The following DOCK10 variants were observed in gnomAD, a reference collection of about 807,000 sequenced individuals.
DOCK10 encodes the protein dedicator of cytokinesis protein 10.
A neutral mutation model predicts 280.1 loss-of-function variants in DOCK10; 145 were observed. The ratio of observed to expected loss-of-function variants is 0.52; its 90% CI spans 0.45 to 0.59. The LOEUF is 0.59. DOCK10 is among the 20% of genes least tolerant of loss of function. DOCK10 has a pLI of 0.00. For synonymous variants in DOCK10, 915 were observed against 942.2 expected (o/e 0.97, Z 0.53); for missense variants, 2,368 against 2,651.7 (o/e 0.89, Z 2.35).
chr2:224,866,606 T>C (rs1348495144), intron 11 of DOCK10, among the ~76,000 whole-genome samples: 2 of 152,222 alleles, frequency 1.3e-5, no homozygotes, highest in African/African-American at 2.4e-5. Flanking sequence ...ACTACCACCA[T>C]GATGGCGACC....
chr2:224,928,669 C>T (rs1702165320), intron 2 of DOCK10, among the ~76,000 whole-genome samples: 1 of 152,132 alleles, frequency 6.6e-6, no homozygotes, highest in African/African-American at 2.4e-5. Context: ...TTGCTTAATG[C>T]AAATTAAAAT....
At chr2:224,983,594 G>A (rs1239920986) in intron 1 of DOCK10, 1 of 330,388 alleles carries the variant, frequency 3.0e-6, no homozygotes. Context: ...TTGCTGTAAC[G>A]TGTGGCCGCC....
intron 1 of DOCK10, among the ~76,000 whole-genome samples, chr2:224,989,904 G>A (rs1706081942): frequency 6.6e-6 from 1 of 152,064 alleles, no homozygotes; most frequent in Non-Finnish European, 1.5e-5. Flanking sequence ...GTGATTTCTA[G>A]AGACCTTTTC....
In DOCK10 at chr2:224,931,679, A is replaced by G; in HGVS notation, c.124-11T>C. On this transcript the variant is annotated splice_polypyrimidine_tract_variant and intron_variant, in intron 1 of 55. Transcript: ENST00000258390. ...CCTAGGCTTTTCTTGCTGTAGAAAA[A>G]GAAAATATGGTATTAATCACTGACA... 1 of 1,584,068 alleles carries G rather than the reference A, an allele frequency of 6.3e-7. No individual in the cohort carries two copies. The highest frequency in any genetic ancestry group is 8.6e-7 in the Non-Finnish European group (1 of 1,164,402).
intron 50 of DOCK10, among the ~76,000 whole-genome samples, chr2:224,778,841 T>C (rs1233950965): frequency 2.6e-5 from 4 of 152,202 alleles, no homozygotes; most frequent in African/African-American, 9.6e-5. Flanking sequence ...TGCTCCCAAG[T>C]ACTGCTATTT....
chr2:224,791,067 G>A (rs1280389304), intron 47 of DOCK10, among the ~76,000 whole-genome samples: 1 of 151,980 alleles, frequency 6.6e-6, no homozygotes, highest in African/African-American at 2.4e-5. Context: ...ATCACCTTAG[G>A]TCTAACATTG....
intron 1 of DOCK10, among the ~76,000 whole-genome samples, chr2:224,980,947 T>G (rs994918862): frequency 6.6e-6 from 1 of 150,992 alleles, no homozygotes; most frequent in Admixed American, 6.6e-5. Context: ...AGGTATAAGG[T>G]TTTTTTTTGC....
At chr2:224,841,287 A>G (rs1355580949) in intron 23 of DOCK10, among the ~76,000 whole-genome samples, 1 of 152,224 alleles carries the variant, frequency 6.6e-6, no homozygotes, top group African/African-American at 2.4e-5. Flanking sequence ...TATAATAAAT[A>G]CAGTAATTAA....
chr2:224,916,351 G>A (rs1701312119), intron 3 of DOCK10, among the ~76,000 whole-genome samples: 1 of 152,194 alleles, frequency 6.6e-6, no homozygotes, highest in East Asian at 1.9e-4. Flanking sequence ...GAGCAGCCTG[G>A]CCAACATGGC....
chr2:225,018,931 A>C (rs1218940536), intron 1 of DOCK10, among the ~76,000 whole-genome samples: 2 of 126,264 alleles, frequency 1.6e-5, no homozygotes, highest in Non-Finnish European at 3.4e-5. Flanking sequence ...GTATATAGTT[A>C]TATATGTGTA....
chr2:225,002,112 A>G (rs281528), intron 1 of DOCK10, among the ~76,000 whole-genome samples: 127,870 of 152,114 alleles, frequency 0.84, 54,068 homozygotes, highest in African/African-American at 0.93. Context: ...TGAATAAATG[A>G]CACTTGGGAG....
At chr2:224,771,211 GT>G (rs1690420589) in intron 53 of DOCK10, among the ~76,000 whole-genome samples, 1 of 152,142 alleles carries the variant, frequency 6.6e-6, no homozygotes, top group African/African-American at 2.4e-5. Flanking sequence ...GCCTCCCGAA[GT>G]GCTGGGATTA....
intron 1 of DOCK10, among the ~76,000 whole-genome samples, chr2:225,007,982 A>G (rs1689322769): frequency 6.6e-6 from 1 of 152,146 alleles, no homozygotes; most frequent in Non-Finnish European, 1.5e-5. Context: ...AGTGGGGGCA[A>G]ATAAAAGTAA....
chr2:225,031,306 AAG>A, intron 1 of DOCK10, among the ~76,000 whole-genome samples: 1 of 152,220 alleles, frequency 6.6e-6, no homozygotes. Flanking sequence ...GGATCTTCCC[AAG>A]ATACATCTGT....
chr2:224,968,070 C>T (rs771878601), intron 1 of DOCK10, among the ~76,000 whole-genome samples: 4 of 152,020 alleles, frequency 2.6e-5, no homozygotes, highest in Non-Finnish European at 5.9e-5. Context: ...TAAATCTAAA[C>T]TTTTGAACAT....
At chr2:225,034,371 T>C (rs111768256) in intron 1 of DOCK10, among the ~76,000 whole-genome samples, 99 of 152,338 alleles carry the variant, frequency 6.5e-4, no homozygotes, top group African/African-American at 2.1e-3. Flanking sequence ...TTTTGCCATA[T>C]GGTTGCTATG....
chr2:224,973,258 C>T (rs923280824), intron 1 of DOCK10, among the ~76,000 whole-genome samples: 2 of 152,160 alleles, frequency 1.3e-5, no homozygotes, highest in African/African-American at 2.4e-5. Context: ...CCCTTAACAA[C>T]GTACATGTCC....
At position 224,816,692 on chromosome 2, in the gene DOCK10, C is replaced by A; in HGVS notation, c.3289G>T (p.Asp1097Tyr). Reference sequence around the variant, plus strand: ...TGTTGACATACTTCTTGAAGAAAATCAAATTTATACTGGCACAAGGTCTGA... The same window carrying A: ...TGTTGACATACTTCTTGAAGAAAATAAAATTTATACTGGCACAAGGTCTGA... ...DLKTLCQYKF[D>Y]FLQEVCQHEH... Residue 1097 changes from aspartate (D) to tyrosine (Y), a missense_variant, in exon 30 of 56, where the codon GAT (aspartate) becomes TAT (tyrosine). By Grantham distance (160) the Asp-to-Tyr change is radical. Transcript: ENST00000258390. The A allele has an allele frequency of 1.2e-6, 2 of 1,601,888 alleles. No individual in the cohort carries two copies. The highest frequency in any genetic ancestry group is 1.7e-6 in the Non-Finnish European group (2 of 1,172,064).
chr2:224,968,853 G>A (rs1346997435), intron 1 of DOCK10, among the ~76,000 whole-genome samples: 1 of 152,152 alleles, frequency 6.6e-6, no homozygotes, highest in African/African-American at 2.4e-5. Flanking sequence ...AATGTTTAAA[G>A]GCAACACAAG....
Sources: gnomAD v4.1 joint callset for allele counts (sites outside exome capture counted in the v4.1 genomes callset) on GRCh38, gnomAD v4.1.1 for gene constraint, MANE v1.5 for transcripts, NCBI Gene and HGNC (gene_info 2026-07-23, HGNC 2026-07-21) for gene names.